The following RAB31 variants were observed in gnomAD, a reference collection of about 807,000 sequenced individuals.
The protein encoded by RAB31 is ras-related protein Rab-31.
Under a neutral mutation model 25.6 loss-of-function variants are expected in RAB31, and 21 were observed. The observed-to-expected ratio is 0.82, with a 90% CI of 0.58 to 1.18. RAB31 has a LOEUF of 1.18. Among genes scored for constraint, RAB31 ranks in the 50% most tolerant of loss-of-function variants. The pLI, the probability that RAB31 is intolerant of heterozygous loss-of-function variation, is 0.00. For missense variants in RAB31, 196 were observed against 250.1 expected, an observed-to-expected ratio of 0.78 and a Z score of 1.46; for synonymous variants, 87 against 84.0, an observed-to-expected ratio of 1.04 and a Z score of -0.20.
At chr18:9,792,707 C>T (rs1469994762) in intron 3 of RAB31, among the ~76,000 whole-genome samples, 6 of 152,138 alleles carry the variant, frequency 3.9e-5, no homozygotes, top group Non-Finnish European at 7.4e-5. Context: ...AGGCCCCATG[C>T]CCACTCCTGA....
chr18:9,841,518 G>A (rs112655218), intron 5 of RAB31, among the ~76,000 whole-genome samples: 6,560 of 128,182 alleles, frequency 0.051, 193 homozygotes, highest in East Asian at 0.1. Context: ...CAGCCTGGGC[G>A]ATAGAGTGAG....
chr18:9,841,974 A>G (rs543647093), intron 5 of RAB31, among the ~76,000 whole-genome samples: 2 of 152,254 alleles, frequency 1.3e-5, no homozygotes, highest in South Asian at 4.1e-4. Flanking sequence ...GTCTGGTCTC[A>G]TGGGGCCTAA....
chr18:9,751,644 G>T (rs2068235608), intron 1 of RAB31, among the ~76,000 whole-genome samples: 1 of 152,194 alleles, frequency 6.6e-6, no homozygotes, highest in African/African-American at 2.4e-5. Flanking sequence ...CAACCGCAAT[G>T]GTAGAGCAGC....
At chr18:9,814,882 T>C in intron 4 of RAB31, 1 of 344,402 alleles carries the variant, frequency 2.9e-6, no homozygotes, top group Non-Finnish European at 5.4e-6. Flanking sequence ...GAAAAATCAC[T>C]GATATGATTT....
chr18:9,724,051 C>T (rs566918179), intron 1 of RAB31, among the ~76,000 whole-genome samples: 27 of 151,820 alleles, frequency 1.8e-4, no homozygotes, highest in Non-Finnish European at 1.0e-4. Context: ...GCGGGCAGAT[C>T]ACAAGGTCAG....
rs1189954726 is a variant in RAB31, at chr18:9,859,905, G to A, written c.*580G>A. ...AGTTATTACAGAAGCCAGGAAAAGT[G>A]TATTAGAAACTGTTGTCTACACCAC... On this transcript the variant is annotated 3_prime_UTR_variant, in exon 7 of 7. Transcript: ENST00000578921. The A allele has an allele frequency of 6.6e-6, 1 of 152,220 alleles. No individual in the cohort carries two copies. The highest frequency in any genetic ancestry group is 2.1e-4 in the South Asian group (1 of 4,834). 9.4% of individuals were successfully genotyped at this position (152,220 alleles called of 1,614,324 possible).
intron 1 of RAB31, among the ~76,000 whole-genome samples, chr18:9,753,043 A>C (rs2068243381): frequency 6.6e-6 from 1 of 152,258 alleles, no homozygotes; most frequent in Non-Finnish European, 1.5e-5. Flanking sequence ...TCACATTATC[A>C]TGAGAAAGAA....
intron 5 of RAB31, among the ~76,000 whole-genome samples, chr18:9,834,476 CT>C (rs2068694571): frequency 1.3e-5 from 2 of 152,152 alleles, no homozygotes; most frequent in South Asian, 4.1e-4. Context: ...TCAAAAACAC[CT>C]TTCCTATAGG....
intron 5 of RAB31, chr18:9,830,559 G>A (rs1169377437): frequency 6.6e-6 from 1 of 152,118 alleles, no homozygotes; most frequent in East Asian, 1.9e-4. Context: ...AGAACTCTGG[G>A]GCTAAGTGAT....
chr18:9,850,363 G>A (rs1258581303), intron 6 of RAB31, among the ~76,000 whole-genome samples: 1 of 152,176 alleles, frequency 6.6e-6, no homozygotes, highest in Non-Finnish European at 1.5e-5. Context: ...GGGCTCAAGT[G>A]GTCCTCCCGC....
chr18:9,714,215 T>C (rs4798829), intron 1 of RAB31, among the ~76,000 whole-genome samples: 19,582 of 152,244 alleles, frequency 0.13, 1,343 homozygotes, highest in South Asian at 0.23. Flanking sequence ...TTTTTGGCAC[T>C]AGGGATCAGT....
intron 1 of RAB31, among the ~76,000 whole-genome samples, chr18:9,771,167 T>C (rs35687824): frequency 0.15 from 22,640 of 151,934 alleles, 1,734 homozygotes; most frequent in South Asian, 0.24. Context: ...CAAGACCCTC[T>C]CTCTTAAAAA....
chr18:9,753,573 A>G (rs1271700021), intron 1 of RAB31, among the ~76,000 whole-genome samples: 1 of 152,210 alleles, frequency 6.6e-6, no homozygotes, highest in African/African-American at 2.4e-5. Context: ...ATAACAGAAA[A>G]TGGATGGAGA....
intron 1 of RAB31, among the ~76,000 whole-genome samples, chr18:9,709,581 C>A (rs12605569): frequency 0.058 from 8,765 of 152,208 alleles, 444 homozygotes; most frequent in East Asian, 0.18. Context: ...GTGGAACCTC[C>A]GGCAGGCTCC....
At chr18:9,733,547 C>G (rs1337438321) in intron 1 of RAB31, among the ~76,000 whole-genome samples, 1 of 152,180 alleles carries the variant, frequency 6.6e-6, no homozygotes, top group African/African-American at 2.4e-5. Flanking sequence ...CTTAATAGCT[C>G]GGCCTAGAAT....
At chr18:9,744,124 A>T (rs1011841921) in intron 1 of RAB31, among the ~76,000 whole-genome samples, 1 of 152,206 alleles carries the variant, frequency 6.6e-6, no homozygotes, top group Admixed American at 6.5e-5. Flanking sequence ...TCCATGTCAT[A>T]GTAGGAGGAA....
chr18:9,726,693 A>G (rs1037178243), intron 1 of RAB31, among the ~76,000 whole-genome samples: 4 of 152,112 alleles, frequency 2.6e-5, no homozygotes, highest in Non-Finnish European at 4.4e-5. Context: ...ATAGCTTTCA[A>G]TTCACTAAAT....
intron 2 of RAB31, among the ~76,000 whole-genome samples, chr18:9,781,479 G>A (rs1225014752): frequency 6.6e-6 from 1 of 152,136 alleles, no homozygotes; most frequent in Admixed American, 6.5e-5. Context: ...TCCACGCCTG[G>A]CTGATGTATT....
chr18:9,756,712 A>G (rs2057868653), intron 1 of RAB31, among the ~76,000 whole-genome samples: 2 of 152,230 alleles, frequency 1.3e-5, no homozygotes, highest in African/African-American at 2.4e-5. Context: ...AAATCAGGCC[A>G]CTGTCATCTA....
Sources: gnomAD v4.1 joint callset for allele counts (sites outside exome capture counted in the v4.1 genomes callset) on GRCh38, gnomAD v4.1.1 for gene constraint, MANE v1.5 for transcripts, NCBI Gene and HGNC (gene_info 2026-07-23, HGNC 2026-07-21) for gene names.